The following NCOA2 variants were observed in gnomAD, a reference collection of about 807,000 sequenced individuals.
The protein encoded by NCOA2 is nuclear receptor coactivator 2, also known as class E basic helix-loop-helix protein 75.
A neutral mutation model predicts 145.1 loss-of-function variants in NCOA2; 21 were observed. The observed-to-expected ratio is 0.14, with a 90% CI of 0.10 to 0.21. NCOA2 has a LOEUF of 0.21. Ranked by LOEUF, NCOA2 falls within the 10% of genes least tolerant of loss-of-function variation. The pLI, the probability that NCOA2 is intolerant of heterozygous loss-of-function variation, is 1.00. For synonymous variants in NCOA2, 619 were observed against 637.5 expected, an observed-to-expected ratio of 0.97 and a Z score of 0.44; for missense variants, 1,472 against 1,837.6, an observed-to-expected ratio of 0.80 and a Z score of 3.64.
Position 70,111,239 on chromosome 8 carries a change from T to C in NCOA2, c.*2393A>G, listed in dbSNP as rs893748486. The C allele has an allele frequency of 4.4e-6, 1 of 226,078 alleles. No homozygotes were observed. Among genetic ancestry groups the C allele is most frequent in the Admixed American group, 5.7e-5 (1 of 17,560 alleles). The allele number at this position is 226,078 out of a possible 1,614,324, so 14.0% of individuals were successfully genotyped here. ...TTGACATTAAAATACAGCGGGCAGA[T>C]GGATAAAAAAGAAGAGATAGGTAGA... On this transcript the variant is annotated 3_prime_UTR_variant, in exon 23 of 23. Coordinates refer to ENST00000452400, the MANE Select transcript of NCOA2 (RefSeq NM_006540.4).
At chr8:70,267,424 G>C (rs1404325963) in intron 2 of NCOA2, among the ~76,000 whole-genome samples, 1 of 145,684 alleles carries the variant, frequency 6.9e-6, no homozygotes, top group Non-Finnish European at 1.5e-5. Flanking sequence ...CTTTGAGATA[G>C]GGCCTCGCTC....
chr8:70,323,760 C>T lies in NCOA2; in HGVS notation c.-76-26960G>A, dbSNP rs144658570. Among the ~76,000 whole-genome samples the T allele has an allele frequency of 7.8e-3, 1,192 of 152,112 alleles. 29 individuals are homozygous for T. In the East Asian group the frequency reaches 0.089, roughly 11 times the overall value. ...TAACCTTTCTGACACCTGGTATGAG[C>T]CTATGTGCTAATTTTCTGGTTTTCT... On this transcript the variant is annotated intron_variant, in intron 1 of 22. Coordinates refer to ENST00000452400, the MANE Select transcript of NCOA2 (RefSeq NM_006540.4).
intron 4 of NCOA2, among the ~76,000 whole-genome samples, chr8:70,195,592 A>C (rs1817209762): frequency 6.6e-6 from 1 of 152,234 alleles, no homozygotes; most frequent in African/African-American, 2.4e-5. Context: ...TATGTCATTC[A>C]TCTGGCTTTT....
At chr8:70,178,703 A>G (rs1471248660) in intron 4 of NCOA2, among the ~76,000 whole-genome samples, 4 of 152,216 alleles carry the variant, frequency 2.6e-5, no homozygotes, top group Admixed American at 2.0e-4. Context: ...TCAGTTCAAA[A>G]AAAGGGATGG....
chr8:70,442,116 GAAGAAAGAAAGAAAGAAAGA>G, the NCOA2 span, among the ~76,000 whole-genome samples: 6 of 82,450 alleles, frequency 7.3e-5, no homozygotes, highest in East Asian at 4.1e-4. Context: ...GAGAAAGAAA[GAAGAAAGAAAGAAAGAAAGA>G]AAGAAAGAAA....
intron 13 of NCOA2, among the ~76,000 whole-genome samples, chr8:70,142,392 A>C (rs1400501516): frequency 1.3e-5 from 2 of 152,176 alleles, no homozygotes; most frequent in African/African-American, 4.8e-5. Flanking sequence ...GGTGAAAGGT[A>C]GTCAGTTAGA....
chr8:70,392,772 C>T (rs533847644), intron 1 of NCOA2, among the ~76,000 whole-genome samples: 1 of 152,374 alleles, frequency 6.6e-6, no homozygotes, highest in South Asian at 2.1e-4. Flanking sequence ...CCTCTTCTCA[C>T]TCCAGTGGCA....
At chr8:70,349,047 T>C (rs1278242134) in intron 1 of NCOA2, among the ~76,000 whole-genome samples, 3 of 151,642 alleles carry the variant, frequency 2.0e-5, no homozygotes, top group Admixed American at 1.3e-4. Context: ...AAGTTAGCAA[T>C]GGACACAGAG....
At chr8:70,310,966 T>C (rs1805060971) in intron 1 of NCOA2, among the ~76,000 whole-genome samples, 1 of 152,162 alleles carries the variant, frequency 6.6e-6, no homozygotes, top group Admixed American at 6.5e-5. Flanking sequence ...ATGTCTGATA[T>C]CACATTGTAA....
intron 22 of NCOA2, among the ~76,000 whole-genome samples, chr8:70,113,927 C>T (rs149888035): frequency 2.8e-4 from 42 of 152,238 alleles, no homozygotes; most frequent in Admixed American, 1.1e-3. Context: ...CCTTAATGAC[C>T]GCTCTCCAAC....
At chr8:70,173,668 T>C (rs140135016) in intron 5 of NCOA2, among the ~76,000 whole-genome samples, 481 of 152,300 alleles carry the variant, frequency 3.2e-3, no homozygotes, top group African/African-American at 0.01. Context: ...CTGGGACATT[T>C]AAAGCCTTTT....
At chr8:70,426,485 G>T in the NCOA2 span, among the ~76,000 whole-genome samples, 1 of 152,028 alleles carries the variant, frequency 6.6e-6, no homozygotes. Flanking sequence ...TATAAACTAA[G>T]AACTGACTAA....
intron 1 of NCOA2, among the ~76,000 whole-genome samples, chr8:70,388,482 A>C (rs982589677): frequency 3.9e-5 from 6 of 152,202 alleles, no homozygotes; most frequent in African/African-American, 1.4e-4. Context: ...CTCACGTAAC[A>C]TATCTGTATA....
chr8:70,399,825 A>C (rs76640947), intron 1 of NCOA2, among the ~76,000 whole-genome samples: 1,672 of 152,328 alleles, frequency 0.011, 14 homozygotes, highest in Middle Eastern at 0.021. Context: ...GTGCTTAAAG[A>C]ATTGCTTTTC....
At chr8:70,240,392 C>T (rs1822021528) in intron 2 of NCOA2, among the ~76,000 whole-genome samples, 1 of 152,166 alleles carries the variant, frequency 6.6e-6, no homozygotes. Context: ...ATCTGAAACA[C>T]TTGGCCCATT....
At chr8:70,426,880 C>A in the NCOA2 span, among the ~76,000 whole-genome samples, 9 of 152,280 alleles carry the variant, frequency 5.9e-5, no homozygotes, top group South Asian at 2.1e-4. Context: ...GTAGCCTCAA[C>A]CTTCCGGGCT....
intron 1 of NCOA2, among the ~76,000 whole-genome samples, chr8:70,379,112 G>A (rs972404883): frequency 5.3e-5 from 8 of 152,132 alleles, no homozygotes; most frequent in African/African-American, 1.9e-4. Context: ...GTTTTAAGTA[G>A]CATTTTACAA....
intron 2 of NCOA2, chr8:70,273,499 G>C: frequency 1.5e-6 from 1 of 655,818 alleles, no homozygotes; most frequent in South Asian, 1.6e-5. Flanking sequence ...AAAAACGTCA[G>C]TTCTCCTTAA....
chr8:70,197,004 T>C (rs762022813), intron 4 of NCOA2, among the ~76,000 whole-genome samples: 12 of 152,204 alleles, frequency 7.9e-5, no homozygotes, highest in Non-Finnish European at 1.8e-4. Context: ...ATCTATTCTA[T>C]GGACAGAGTG....
Sources: gnomAD v4.1 joint callset for allele counts (sites outside exome capture counted in the v4.1 genomes callset) on GRCh38, gnomAD v4.1.1 for gene constraint, MANE v1.5 for transcripts, NCBI Gene and HGNC (gene_info 2026-07-23, HGNC 2026-07-21) for gene names.